Variants in UNC5B observed in about 807,000 individuals in gnomAD.
The protein encoded by UNC5B is unc-5 netrin receptor B.
UNC5B carries 56 observed loss-of-function variants against 103.7 expected under a neutral mutation model. The ratio of observed to expected loss-of-function variants is 0.54; its 90% CI spans 0.44 to 0.67. UNC5B has a LOEUF of 0.67. UNC5B is among the 30% of genes least tolerant of loss of function. The pLI is 0.00. For synonymous variants in UNC5B, 577 were observed against 542.0 expected, an observed-to-expected ratio of 1.06 and a Z score of -0.90; for missense variants, 1,194 against 1,284.5, an observed-to-expected ratio of 0.93 and a Z score of 1.08.
intron 1 of UNC5B, among the ~76,000 whole-genome samples, chr10:71,243,351 G>A (rs1316119926): frequency 6.6e-6 from 1 of 152,176 alleles, no homozygotes; most frequent in Non-Finnish European, 1.5e-5. Context: ...CTTCCCTGCA[G>A]CAGCACTGTG....
At position 71,301,900 on chromosome 10, in the gene UNC5B, C is replaced by A. The variant is rs924150765; in HGVS notation, c.*2623C>A. ...CTGTTCTTTTCTGTCCTCCCCACCC[C>A]ACCCTCAGAAGCTGCTTGCTCTGCC... On this transcript the variant is annotated 3_prime_UTR_variant, in exon 17 of 17. Transcript: ENST00000335350. The A allele has an allele frequency of 1.3e-5, 2 of 152,240 alleles. No individual in the cohort carries two copies. The highest frequency in any genetic ancestry group is 2.9e-5 in the Non-Finnish European group (2 of 68,078). The allele number at this position is 152,240 out of a possible 1,614,324, so 9.4% of individuals were successfully genotyped here.
chr10:71,284,624 G>A, intron 2 of UNC5B, 96 bp from the exon 3 acceptor site: 1 of 1,557,152 alleles, frequency 6.4e-7, no homozygotes, highest in South Asian at 1.2e-5. Flanking sequence ...TTGGGCAAGA[G>A]TGCCAGCAGG....
At chr10:71,278,952 G>A (rs747681219) in intron 1 of UNC5B, among the ~76,000 whole-genome samples, 8 of 152,256 alleles carry the variant, frequency 5.3e-5, no homozygotes, top group Non-Finnish European at 7.3e-5. Context: ...TCTGGGCACT[G>A]GCGGTGGCCA....
In UNC5B at chr10:71,289,298, G is replaced by A. The variant is rs149339494; in HGVS notation, c.1099+308G>A. ...CACAGGCAAGAAATAGTAGAGCCAA[G>A]ATTTGAACCCAAATATTTTTATAGC... is the stretch of plus-strand genomic sequence containing the variant. On this transcript the variant is annotated intron_variant, in intron 8 of 16. Transcript: ENST00000335350. Among the ~76,000 whole-genome samples, 700 of 152,346 alleles carry A rather than the reference G, an allele frequency of 4.6e-3. 5 individuals carry two copies. The highest frequency in any genetic ancestry group is 0.016 in the African/African-American group (653 of 41,572).
Position 71,293,896 on chromosome 10 carries a change from G to A in UNC5B, c.2138G>A (p.Arg713Gln), listed in dbSNP as rs754410291. 6.9e-6 allele frequency: 11 copies of A among 1,604,938 alleles called. No individual in the cohort carries two copies. The East Asian group carries it at 8.9e-5, about 13-fold the overall frequency. Residue 713 changes from arginine (R) to glutamine (Q), a missense_variant, in exon 13 of 17, where the codon CGG (arginine) becomes CAG (glutamine). By Grantham distance (43) the Arg-to-Gln change is conservative. Transcript: ENST00000335350. ...ALCTSLEYSL[R>Q]VYCLEDTPVA... ...TGCACCTCCCTGGAGTACAGCCTCCGGGTCTACTGCCTGGAGGACACGCCT... is the reference window on the plus strand; with the variant it reads ...TGCACCTCCCTGGAGTACAGCCTCCAGGTCTACTGCCTGGAGGACACGCCT...
At chr10:71,289,918 G>A (rs534861725) in intron 8 of UNC5B, among the ~76,000 whole-genome samples, 48 of 152,320 alleles carry the variant, frequency 3.2e-4, no homozygotes, top group African/African-American at 1.0e-3. Flanking sequence ...GGGTGTGGAG[G>A]ACTCCAGGCA....
At chr10:71,217,720 C>T (rs1226209673) in intron 1 of UNC5B, 1 of 151,676 alleles carries the variant, frequency 6.6e-6, no homozygotes, top group Non-Finnish European at 1.5e-5. Flanking sequence ...TTTGTTTCCT[C>T]TTCCTTCTCT....
intron 13 of UNC5B, among the ~76,000 whole-genome samples, chr10:71,295,446 C>T (rs528381861): frequency 6.6e-6 from 1 of 152,160 alleles, no homozygotes; most frequent in Non-Finnish European, 1.5e-5. Context: ...AGTCATTGCT[C>T]GTCTATCCAT....
intron 1 of UNC5B, among the ~76,000 whole-genome samples, chr10:71,239,600 T>C (rs1843850233): frequency 6.6e-6 from 1 of 152,182 alleles, no homozygotes; most frequent in Admixed American, 6.5e-5. Flanking sequence ...TGAGGTTAGC[T>C]TCTGGTGCTT....
intron 1 of UNC5B, among the ~76,000 whole-genome samples, chr10:71,253,322 C>T (rs1844218364): frequency 1.3e-5 from 2 of 152,244 alleles, no homozygotes; most frequent in Non-Finnish European, 2.9e-5. Context: ...CTGCAAGGCC[C>T]AGGCCCAGGA....
At position 71,286,763 on chromosome 10, in the gene UNC5B, C is replaced by T. The variant is rs1845095900; in HGVS notation, c.627C>T (p.Asn209=). 1.2e-6 allele frequency: 2 copies of T among 1,614,226 alleles called. No homozygotes were observed. Among genetic ancestry groups the T allele is most frequent in the South Asian group, 1.1e-5 (1 of 91,080 alleles). ...ACTTCCTGCTCACCATCGACCACAA[C>T]CTCATCATCCGCCAGGCCCGCCTGT... is the stretch of plus-strand genomic sequence containing the variant. The part of the protein sequence containing the change: ...DTNFLLTIDH[N]LIIRQARLSD... Residue 209 remains asparagine, a synonymous_variant, in exon 5 of 17, where the codon AAC becomes AAT. Coordinates refer to ENST00000335350, the MANE Select transcript of UNC5B (RefSeq NM_170744.5).
chr10:71,231,126 A>G (rs1279139270), intron 1 of UNC5B, among the ~76,000 whole-genome samples: 3 of 152,212 alleles, frequency 2.0e-5, no homozygotes, highest in Admixed American at 1.3e-4. Flanking sequence ...TATGAAAGCT[A>G]TATAAGCTGT....
At chr10:71,278,251 T>G (rs767193136) in intron 1 of UNC5B, among the ~76,000 whole-genome samples, 1 of 152,208 alleles carries the variant, frequency 6.6e-6, no homozygotes, top group Non-Finnish European at 1.5e-5. Context: ...TGCAGCAACA[T>G]GTACGTACCT....
At chr10:71,295,549 G>A (rs372871114) in intron 13 of UNC5B, among the ~76,000 whole-genome samples, 13 of 151,998 alleles carry the variant, frequency 8.6e-5, no homozygotes, top group South Asian at 2.1e-4. Flanking sequence ...CCATCAATCC[G>A]TTTATCCATC....
Position 71,295,879 on chromosome 10 carries a change from G to A in UNC5B, c.2244G>A (p.Lys748=). 1.9e-6 allele frequency: 3 copies of A among 1,613,392 alleles called. No individual in the cohort carries two copies. Among genetic ancestry groups the A allele is most frequent in the Admixed American group, 3.3e-5 (2 of 60,030 alleles). ...AGGAGCCGAAACCGCTAATGTTCAA[G>A]GACAGTTACCACAACCTGCGCCTCT... The part of the protein sequence containing the change: ...LVEEPKPLMF[K]DSYHNLRLSL... The change falls in exon 14 of 17, where the codon AAG becomes AAA. Residue 748 remains lysine, a synonymous_variant. Transcript: ENST00000335350.
In UNC5B at chr10:71,212,799, G is replaced by C. The variant is rs1273649303; in HGVS notation, c.-187G>C. 2.6e-6 allele frequency: 1 copy of C among 391,378 alleles called. No individual in the cohort carries two copies. Among genetic ancestry groups the C allele is most frequent in the Admixed American group, 4.6e-5 (1 of 21,658 alleles). The allele number at this position is 391,378 out of a possible 1,614,324, so 24.2% of individuals were successfully genotyped here. On this transcript the variant is annotated 5_prime_UTR_variant, in exon 1 of 17. Transcript: ENST00000335350. ...AGAGCCGGCGCCAGGCACCCACCGC[G>C]CTCCGAGTGCCAGGCGGCCCTCCGC...
intron 1 of UNC5B, among the ~76,000 whole-genome samples, chr10:71,273,439 TC>T (rs961931437): frequency 6.6e-6 from 1 of 152,216 alleles, no homozygotes; most frequent in Middle Eastern, 3.4e-3. Context: ...TCCTCTGGCT[TC>T]CCCTAGGGAT....
At chr10:71,294,002 A>C (rs1589203726) in intron 13 of UNC5B, 69 bp downstream of exon 13, 2 of 1,394,590 alleles carry the variant, frequency 1.4e-6, no homozygotes, top group Non-Finnish European at 9.6e-7. Context: ...AGAATCCCCC[A>C]CCCCAGGCTC....
At chr10:71,280,159 C>G in intron 2 of UNC5B, 114 bp downstream of exon 2, 1 of 1,194,712 alleles carries the variant, frequency 8.4e-7, no homozygotes, top group South Asian at 1.4e-5. Context: ...TAGCATTTCC[C>G]CAAGTGCTGG....
Sources: allele counts gnomAD v4.1 joint callset (sites outside exome capture counted in the v4.1 genomes callset), GRCh38; gene constraint gnomAD v4.1.1; transcripts MANE v1.5; gene names NCBI Gene and HGNC (gene_info 2026-07-23, HGNC 2026-07-21).